INO80D: variants seen among roughly 807,000 people sequenced by gnomAD.
The protein encoded by INO80D is INO80 complex subunit D.
INO80D carries 21 observed loss-of-function variants against 87.6 expected under a neutral mutation model. The observed-to-expected ratio is 0.24, with a 90% CI of 0.17 to 0.35. INO80D has a LOEUF of 0.35. Among genes scored for constraint, INO80D ranks in the 10% least tolerant of loss-of-function variants. INO80D has a pLI of 1.00. For missense variants in INO80D, 982 were observed against 1,280.7 expected, an observed-to-expected ratio of 0.77 and a Z score of 3.56; for synonymous variants, 440 against 491.0, an observed-to-expected ratio of 0.90 and a Z score of 1.37.
At chr2:206,075,039 C>CAAAAAAAAAAAAAAAAAAAAA (rs56081344) in intron 1 of INO80D, among the ~76,000 whole-genome samples, 14 of 117,700 alleles carry the variant, frequency 1.2e-4, no homozygotes, top group African/African-American at 3.3e-4. Context: ...AACTCCATCT[C>CAAAAAAAAAAAAAAAAAAAAA]AAAAAAAAAA....
At position 206,085,092 on chromosome 2, in the gene INO80D, G is replaced by A. The variant is rs1177007817; in HGVS notation, c.-124+809C>T. Among the ~76,000 whole-genome samples, 1 of 152,032 alleles carries A rather than the reference G, an allele frequency of 6.6e-6. No homozygotes were observed. Among genetic ancestry groups the A allele is most frequent in the Non-Finnish European group, 1.5e-5 (1 of 67,986 alleles). ...TGGCAAAGAGTTTCAAAATAGCCGA[G>A]TGCGCTCCCCCACGCCCTGGGGGGT... is the stretch of plus-strand genomic sequence containing the variant. On this transcript the variant is annotated intron_variant, in intron 1 of 10. Coordinates refer to ENST00000403263, the MANE Select transcript of INO80D (RefSeq NM_017759.5). This position sits in a 1 kb window ranked among gnomAD's most constrained non-coding sequence, Gnocchi z 4.5.
At chr2:206,078,528 A>G (rs752107442) in intron 1 of INO80D, among the ~76,000 whole-genome samples, 14 of 152,088 alleles carry the variant, frequency 9.2e-5, no homozygotes, top group Non-Finnish European at 2.1e-4. Context: ...GGGGGTGGTG[A>G]CTCACACCTG....
intron 4 of INO80D, 101 bp from the exon 5 acceptor site, chr2:206,046,713 G>A: frequency 1.4e-6 from 1 of 696,042 alleles, no homozygotes; most frequent in Non-Finnish European, 2.6e-6. Context: ...CATACCTATT[G>A]CAAGTACTAT....
chr2:206,057,220 T>G (rs1689549421), intron 3 of INO80D, among the ~76,000 whole-genome samples: 1 of 152,348 alleles, frequency 6.6e-6, no homozygotes, highest in Admixed American at 6.5e-5. Context: ...GCTCAGCTAC[T>G]GCTTCTCACA....
At chr2:206,046,221 A>G (rs534127950) in intron 5 of INO80D, among the ~76,000 whole-genome samples, 2 of 152,280 alleles carry the variant, frequency 1.3e-5, no homozygotes, top group African/African-American at 2.4e-5. Flanking sequence ...GGAAATATCA[A>G]TCTGCTACAG....
Position 206,009,649 on chromosome 2 carries a change from G to A in INO80D, c.1688C>T (p.Pro563Leu). ...GAGGTTCCCTTGGGGGACTGCAGGT[G>A]GAATGGGTTTTTGGGGTCGACGAGG... ...RGPRRPQKPIPPAVPQGNLSM... is the reference protein window; with the variant it reads ...RGPRRPQKPILPAVPQGNLSM... Residue 563 changes from proline to leucine, a missense_variant, in exon 9 of 11, where the codon CCA becomes CTA. Physicochemically the swap from Pro to Leu is moderately conservative, Grantham distance 98 (BLOSUM62 -3). Coordinates refer to ENST00000403263, the MANE Select transcript of INO80D (RefSeq NM_017759.5). 6.2e-7 allele frequency: 1 copy of A among 1,613,978 alleles called. No individual in the cohort carries two copies. Among genetic ancestry groups the A allele is most frequent in the Non-Finnish European group, 8.5e-7 (1 of 1,179,890 alleles).
At chr2:206,052,053 A>C (rs1689384068) in intron 4 of INO80D, among the ~76,000 whole-genome samples, 2 of 152,248 alleles carry the variant, frequency 1.3e-5, no homozygotes, top group African/African-American at 4.8e-5. Flanking sequence ...ATCCCTGAGC[A>C]CATGTCTTTA....
intron 5 of INO80D, among the ~76,000 whole-genome samples, chr2:206,041,961 C>A (rs556896704): frequency 2.0e-5 from 3 of 151,740 alleles, no homozygotes; most frequent in East Asian, 3.9e-4. Context: ...CCCATCTTTA[C>A]AAGAAAATAA....
At chr2:206,014,172 AAACAACC>A (rs1218612873) in intron 8 of INO80D, among the ~76,000 whole-genome samples, 10 of 147,998 alleles carry the variant, frequency 6.8e-5, no homozygotes, top group African/African-American at 2.4e-4. Context: ...AAAAAAAAAA[AAACAACC>A]TATATTTTAA....
In INO80D at chr2:206,003,964, A is replaced by AGGTAT; in HGVS notation, c.*403_*404insATACC. The AGGTAT allele has an allele frequency of 5.1e-6, 1 of 195,744 alleles. No homozygotes were observed. The highest frequency in any genetic ancestry group is 5.3e-5 in the Admixed American group (1 of 18,822). The allele number at this position is 195,744 out of a possible 1,614,324, so 12.1% of individuals were successfully genotyped here. A position where few individuals can be genotyped will look rare whatever the true frequency, so the allele number is the denominator to read the frequency against. ...TCTCTTATACAGGAACTCAATTAAT[A>AGGTAT]AGATCATTCTATCTAGAACCACCTA... On this transcript the variant is annotated 3_prime_UTR_variant, in exon 11 of 11. Transcript: ENST00000403263.
In INO80D at chr2:206,006,457, T is replaced by C. The variant is rs925404962; in HGVS notation, c.1918+827A>G. Among the ~76,000 whole-genome samples the C allele has an allele frequency of 3.3e-5, 5 of 151,870 alleles. No individual in the cohort carries two copies. In the East Asian group the frequency reaches 9.8e-4, roughly 30 times the overall value. On this transcript the variant is annotated intron_variant, in intron 10 of 10. Coordinates refer to ENST00000403263, the MANE Select transcript of INO80D (RefSeq NM_017759.5). ...CAGCACGTTGGGAGGCCAAGGCAGG[T>C]GGATCACCTGAGGTTGAGAGTTCGA...
rs1336881326 is a variant in INO80D, at chr2:205,994,114, G to T, written c.*10254C>A. 1 of 152,088 alleles carries T rather than the reference G, an allele frequency of 6.6e-6. No homozygotes were observed. The highest frequency in any genetic ancestry group is 1.5e-5 in the Non-Finnish European group (1 of 68,018). The allele number at this position is 152,088 out of a possible 1,614,324, so 9.4% of individuals were successfully genotyped here. A position where few individuals can be genotyped will look rare whatever the true frequency, so the allele number is the denominator to read the frequency against. On this transcript the variant is annotated 3_prime_UTR_variant, in exon 11 of 11. Transcript: ENST00000403263. ...AAGTATGCCTGTCCACCAGAACTGG[G>T]GGCTCTTACCAAAACCTGCCCATCT...
At chr2:206,065,281 T>TA (rs1047332415) in intron 1 of INO80D, among the ~76,000 whole-genome samples, 3 of 151,970 alleles carry the variant, frequency 2.0e-5, no homozygotes, top group African/African-American at 7.3e-5. Flanking sequence ...CCAGCCTGAC[T>TA]AACAAGGTGA....
intron 6 of INO80D, chr2:206,025,651 T>C (rs1252889678): frequency 6.7e-6 from 1 of 150,318 alleles, no homozygotes; most frequent in Non-Finnish European, 1.5e-5. Flanking sequence ...AGTTACAGAT[T>C]TCTTTGCTCC....
intron 1 of INO80D, among the ~76,000 whole-genome samples, chr2:206,080,873 A>G (rs1253633984): frequency 7.2e-6 from 1 of 138,468 alleles, no homozygotes; most frequent in Admixed American, 7.9e-5. Flanking sequence ...ACTGCACTCC[A>G]GCCTGGGCGA....
intron 3 of INO80D, among the ~76,000 whole-genome samples, chr2:206,058,711 G>C (rs1051469517): frequency 1.3e-5 from 2 of 152,054 alleles, no homozygotes; most frequent in Non-Finnish European, 2.9e-5. Flanking sequence ...TCCAGCCTGA[G>C]AGACAGAGCA....
rs1206667948 is a variant in INO80D at position 206,000,306 on chromosome 2, G to A, written c.*4062C>T. 1 of 151,310 alleles carries A rather than the reference G, an allele frequency of 6.6e-6. No individual in the cohort carries two copies. The highest frequency in any genetic ancestry group is 6.6e-5 in the Admixed American group (1 of 15,146). 9.4% of individuals were successfully genotyped at this position (151,310 alleles called of 1,614,324 possible). On this transcript the variant is annotated 3_prime_UTR_variant, in exon 11 of 11. Transcript: ENST00000403263. ...TCTTTTTGCAATACCAACCCATAGC[G>A]ACCTTCTGAACTAACCTGGAGGAGA...
At chr2:206,084,240 TACACACACAC>T (rs111836331) in intron 1 of INO80D, among the ~76,000 whole-genome samples, 160 of 135,124 alleles carry the variant, frequency 1.2e-3, no homozygotes, top group Non-Finnish European at 2.0e-3. Flanking sequence ...ATGTTATACA[TACACACACAC>T]ACACACACAC....
intron 9 of INO80D, among the ~76,000 whole-genome samples, chr2:206,008,771 A>G (rs1322225312): frequency 2.0e-5 from 3 of 152,190 alleles, no homozygotes; most frequent in Admixed American, 6.5e-5. Flanking sequence ...TTTTACTTCA[A>G]ATTTGTACAA....
Sources: gnomAD v4.1 joint callset for allele counts (sites outside exome capture counted in the v4.1 genomes callset) on GRCh38, gnomAD v4.1.1 for gene constraint, Gnocchi (gnomAD v3.1) non-coding constraint, MANE v1.5 for transcripts, NCBI Gene and HGNC (gene_info 2026-07-23, HGNC 2026-07-21) for gene names.